Variants in MLLT1 observed in about 807,000 individuals in gnomAD.
MLLT1 encodes the protein MLLT1 super elongation complex subunit, also known as protein ENL.
A neutral mutation model predicts 55.1 loss-of-function variants in MLLT1; 11 were observed. The observed-to-expected ratio is 0.20, with a 90% CI of 0.13 to 0.33. The LOEUF (loss-of-function observed/expected upper bound fraction) is 0.33. Among genes scored for constraint, MLLT1 ranks in the 10% least tolerant of loss-of-function variants. The probability of loss-of-function intolerance (pLI) is 1.00; values close to 1 mark genes in which losing one functional copy is unlikely to be tolerated. For synonymous variants in MLLT1, 323 were observed against 320.1 expected (o/e 1.01, Z -0.10); for missense variants, 536 against 760.6 (o/e 0.70, Z 3.47).
At chr19:6,247,876 T>TTTCG (rs1555707857) in intron 3 of MLLT1, among the ~76,000 whole-genome samples, 9 of 147,452 alleles carry the variant, frequency 6.1e-5, no homozygotes, top group African/African-American at 2.1e-4. Flanking sequence ...CATTTTGGTG[T>TTTCG]TTTGTTTGTT....
intron 1 of MLLT1, among the ~76,000 whole-genome samples, chr19:6,276,378 G>C (rs961959400): frequency 2.0e-5 from 3 of 152,164 alleles, no homozygotes; most frequent in African/African-American, 7.2e-5. Flanking sequence ...TTCCACATCT[G>C]TGAAATGGGC....
intron 8 of MLLT1, among the ~76,000 whole-genome samples, chr19:6,215,533 G>A (rs931601041): frequency 6.6e-6 from 1 of 152,200 alleles, no homozygotes; most frequent in African/African-American, 2.4e-5. Context: ...CCATGTGCCT[G>A]CTGGCCTGGC....
At chr19:6,216,358 C>T (rs1438198787) in intron 8 of MLLT1, 47 bp downstream of exon 8, 12 of 1,396,938 alleles carry the variant, frequency 8.6e-6, no homozygotes, top group Admixed American at 3.8e-5. Context: ...CAGCCGGAGT[C>T]GCCCCGGGTG....
rs2304153 is a variant in MLLT1, at chr19:6,211,338, G to A, written c.*1704C>T. ...CCGGGAGAGAAACAGAGCAGGTGGCGAGGAGTCCCGGAGGCTTCCTCCGAA... is the reference window on the plus strand; with the variant it reads ...CCGGGAGAGAAACAGAGCAGGTGGCAAGGAGTCCCGGAGGCTTCCTCCGAA... On this transcript the variant is annotated 3_prime_UTR_variant, in exon 12 of 12. Coordinates refer to ENST00000252674, the MANE Select transcript of MLLT1 (RefSeq NM_005934.4). This position sits in a 1 kb window ranked among gnomAD's most constrained non-coding sequence, Gnocchi z 4.6. 2.0e-4 allele frequency: 47 copies of A among 232,854 alleles called. No individual in the cohort carries two copies. The highest frequency in any genetic ancestry group is 1.3e-3 in the Middle Eastern group (1 of 782). 14.4% of individuals were successfully genotyped at this position (232,854 alleles called of 1,614,324 possible). A position where few individuals can be genotyped will look rare whatever the true frequency, so the allele number is the denominator to read the frequency against.
chr19:6,275,412 G>A (rs1391931471), intron 1 of MLLT1, among the ~76,000 whole-genome samples: 1 of 152,176 alleles, frequency 6.6e-6, no homozygotes, highest in Admixed American at 6.5e-5. Context: ...AGGTGACGAG[G>A]CTTGGGCGAT....
intron 2 of MLLT1, among the ~76,000 whole-genome samples, chr19:6,267,455 G>GA (rs2091357955): frequency 6.6e-6 from 1 of 151,780 alleles, no homozygotes; most frequent in Admixed American, 6.6e-5. Flanking sequence ...AGAATGGGGG[G>GA]AAAATGAAGG....
chr19:6,235,380 G>A lies in MLLT1; in HGVS notation c.277-4667C>T, dbSNP rs1449077184. 2.0e-5 allele frequency among the ~76,000 whole-genome samples: 3 copies of A among 152,178 alleles called. No individual in the cohort carries two copies. Among genetic ancestry groups the A allele is most frequent in the Non-Finnish European group, 2.9e-5 (2 of 68,016 alleles). On this transcript the variant is annotated intron_variant, in intron 3 of 11. Coordinates refer to ENST00000252674, the MANE Select transcript of MLLT1 (RefSeq NM_005934.4). The surrounding 1 kb of genome is among the most constrained non-coding windows in gnomAD (Gnocchi z 5.5). Reference sequence around the variant, plus strand: ...AGGTTCCTCACGGGCAGCATGGGGGGATTCGCTGCAATGCCACAGCCACAG... The same window carrying A: ...AGGTTCCTCACGGGCAGCATGGGGGAATTCGCTGCAATGCCACAGCCACAG...
In MLLT1 at chr19:6,222,109, G is replaced by A; in HGVS notation, c.1110+12C>T. The A allele has an allele frequency of 6.7e-7, 1 of 1,496,926 alleles. No individual in the cohort carries two copies. The highest frequency in any genetic ancestry group is 2.4e-5 in the East Asian group (1 of 41,474). 92.7% of individuals were successfully genotyped at this position (1,496,926 alleles called of 1,614,324 possible). A position where few individuals can be genotyped will look rare whatever the true frequency, so the allele number is the denominator to read the frequency against. The stretch of plus-strand genomic sequence containing the variant: ...CCTGCACCTGGCTGCCCTGCCCCCA[G>A]CACTCACTCACCTCGGACTTGAAGG... On this transcript the variant is annotated intron_variant, in intron 6 of 11. Coordinates refer to ENST00000252674, the MANE Select transcript of MLLT1 (RefSeq NM_005934.4). This position sits in a 1 kb window ranked among gnomAD's most constrained non-coding sequence, Gnocchi z 4.1.
In MLLT1 at chr19:6,230,096, A is replaced by C. The variant is rs902339220; in HGVS notation, c.420+474T>G. 6.6e-6 allele frequency among the ~76,000 whole-genome samples: 1 copy of C among 151,942 alleles called. No homozygotes were observed. The highest frequency in any genetic ancestry group is 1.5e-5 in the Non-Finnish European group (1 of 67,978). On this transcript the variant is annotated intron_variant, in intron 4 of 11. Coordinates refer to ENST00000252674, the MANE Select transcript of MLLT1 (RefSeq NM_005934.4). The surrounding 1 kb of genome is among the most constrained non-coding windows in gnomAD (Gnocchi z 9.0). ...AACTCTGAGCCCCCACAGGGTCCGG[A>C]GGGCTCGACTCCAGCCACCGCATGG...
intron 5 of MLLT1, among the ~76,000 whole-genome samples, chr19:6,225,890 C>T: frequency 6.6e-6 from 1 of 152,240 alleles, no homozygotes; most frequent in East Asian, 1.9e-4. Context: ...CTGCCAAGAT[C>T]CCCAGCAAGA....
intron 2 of MLLT1, among the ~76,000 whole-genome samples, chr19:6,263,940 GGGA>G (rs1417453708): frequency 4.0e-5 from 6 of 151,570 alleles, no homozygotes; most frequent in African/African-American, 1.5e-4. Flanking sequence ...AGCACGGTGG[GGGA>G]GGAGGGTGGG....
intron 3 of MLLT1, among the ~76,000 whole-genome samples, chr19:6,236,925 T>C (rs1324314516): frequency 1.3e-5 from 2 of 152,220 alleles, no homozygotes; most frequent in Non-Finnish European, 2.9e-5. Flanking sequence ...TAGAGTCACG[T>C]GTTCTTGGGC....
At chr19:6,276,853 C>G (rs2091430690) in intron 1 of MLLT1, among the ~76,000 whole-genome samples, 1 of 152,178 alleles carries the variant, frequency 6.6e-6, no homozygotes, top group Non-Finnish European at 1.5e-5. Context: ...AAGGCATTTT[C>G]CTGGCCATAA....
At chr19:6,218,420 C>G (rs2144851963) in intron 6 of MLLT1, among the ~76,000 whole-genome samples, 1 of 152,356 alleles carries the variant, frequency 6.6e-6, no homozygotes, top group Non-Finnish European at 1.5e-5. Flanking sequence ...AGAGGGCAGG[C>G]ATTGACTGGT....
chr19:6,212,057 AG>A lies in MLLT1; in HGVS notation c.*984del. The A allele has an allele frequency of 9.4e-7, 1 of 1,066,020 alleles. No individual in the cohort carries two copies. The highest frequency in any genetic ancestry group is 1.1e-6 in the Non-Finnish European group (1 of 879,466). 66.0% of individuals were successfully genotyped at this position (1,066,020 alleles called of 1,614,324 possible). A position where few individuals can be genotyped will look rare whatever the true frequency, so the allele number is the denominator to read the frequency against. On this transcript the variant is annotated 3_prime_UTR_variant, in exon 12 of 12. Coordinates refer to ENST00000252674, the MANE Select transcript of MLLT1 (RefSeq NM_005934.4). ...AAACTATCCCGTCTTATTTGGCAAA[AG>A]CTCATATTTTTTTCAAAGTTTGAAG...
At chr19:6,276,820 C>T (rs1185132033) in intron 1 of MLLT1, among the ~76,000 whole-genome samples, 1 of 152,098 alleles carries the variant, frequency 6.6e-6, no homozygotes, top group African/African-American at 2.4e-5. Flanking sequence ...ATGCGGGTTA[C>T]GGTTGGGGCA....
intron 3 of MLLT1, among the ~76,000 whole-genome samples, chr19:6,232,219 GAGAA>G (rs1175159514): frequency 6.6e-6 from 1 of 152,202 alleles, no homozygotes; most frequent in Non-Finnish European, 1.5e-5. Context: ...CTGGGCGACA[GAGAA>G]AGACTCTGTC....
At chr19:6,248,994 G>A (rs1182030550) in intron 3 of MLLT1, among the ~76,000 whole-genome samples, 2 of 152,176 alleles carry the variant, frequency 1.3e-5, no homozygotes, top group Non-Finnish European at 2.9e-5. Flanking sequence ...AGATTTTTAT[G>A]CGTCTGGAGC....
At chr19:6,236,396 C>T (rs938900901) in intron 3 of MLLT1, among the ~76,000 whole-genome samples, 6 of 152,164 alleles carry the variant, frequency 3.9e-5, no homozygotes, top group African/African-American at 7.2e-5. Flanking sequence ...GCAGAGCCAG[C>T]GCACCCCGGC....
Sources: allele counts gnomAD v4.1 joint callset (sites outside exome capture counted in the v4.1 genomes callset), GRCh38; gene constraint gnomAD v4.1.1; non-coding constraint Gnocchi (gnomAD v3.1); transcripts MANE v1.5; gene names NCBI Gene and HGNC (gene_info 2026-07-23, HGNC 2026-07-21).